PALM2AKAP2: variants seen among roughly 807,000 people sequenced by gnomAD.
The protein encoded by PALM2AKAP2 is PALM2 and AKAP2 fusion.
In PALM2AKAP2, 37 loss-of-function variants were observed where a neutral mutation model predicts 71.5. The observed-to-expected ratio is 0.52, with a 90% CI of 0.40 to 0.68. The LOEUF is 0.68. Among genes scored for constraint, PALM2AKAP2 ranks in the 30% least tolerant of loss-of-function variants. The pLI is 0.00. For missense variants in PALM2AKAP2, 1,224 were observed against 1,191.8 expected (o/e 1.03, Z -0.40); for synonymous variants, 468 against 478.8 (o/e 0.98, Z 0.29).
chr9:109,844,122 G>A (rs567949432), intron 1 of PALM2AKAP2, among the ~76,000 whole-genome samples: 11 of 152,300 alleles, frequency 7.2e-5, no homozygotes, highest in Non-Finnish European at 1.3e-4. Context: ...TTTATTGAGC[G>A]AGTAGTATAC....
At chr9:109,774,757 G>A (rs1005212477) in intron 1 of PALM2AKAP2, among the ~76,000 whole-genome samples, 2 of 152,064 alleles carry the variant, frequency 1.3e-5, no homozygotes, top group East Asian at 3.9e-4. Flanking sequence ...TGATTGGGTT[G>A]AGTGATCAAG....
At chr9:109,735,855 C>A (rs556700073) in intron 1 of PALM2AKAP2, among the ~76,000 whole-genome samples, 1 of 152,322 alleles carries the variant, frequency 6.6e-6, no homozygotes, top group African/African-American at 2.4e-5. Flanking sequence ...CTGCTTAAGA[C>A]TGTAACTTGG....
intron 1 of PALM2AKAP2, among the ~76,000 whole-genome samples, chr9:110,072,059 A>C (rs1834218168): frequency 6.6e-6 from 1 of 152,240 alleles, no homozygotes; most frequent in Admixed American, 6.5e-5. Context: ...TTTCCTTCCC[A>C]AAATTTTTCT....
intron 3 of PALM2AKAP2, among the ~76,000 whole-genome samples, chr9:109,918,064 T>C (rs1830736751): frequency 6.6e-6 from 1 of 152,182 alleles, no homozygotes; most frequent in East Asian, 1.9e-4. Context: ...TTCTTTCCTC[T>C]ATTATTGCTA....
intron 7 of PALM2AKAP2, among the ~76,000 whole-genome samples, chr9:110,018,252 T>G (rs1362093893): frequency 6.6e-6 from 1 of 152,150 alleles, no homozygotes; most frequent in African/African-American, 2.4e-5. Flanking sequence ...CCCAGGAAGA[T>G]TTTTCATCCA....
At chr9:109,663,607 T>G (rs1228840857) in intron 1 of PALM2AKAP2, among the ~76,000 whole-genome samples, 3 of 152,166 alleles carry the variant, frequency 2.0e-5, no homozygotes, top group Non-Finnish European at 2.9e-5. Flanking sequence ...TTACTTCTAA[T>G]TATGTGGTCA....
intron 1 of PALM2AKAP2, among the ~76,000 whole-genome samples, chr9:109,655,363 G>A (rs553266919): frequency 8.6e-5 from 13 of 151,072 alleles, no homozygotes; most frequent in African/African-American, 2.9e-4. Flanking sequence ...ACAAGGAACA[G>A]AGATTTATAT....
In PALM2AKAP2 at chr9:109,932,244, C is replaced by T. The variant is rs59470092; in HGVS notation, c.496+216C>T. Among the ~76,000 whole-genome samples the T allele has an allele frequency of 9.8e-3, 1,495 of 152,310 alleles. 25 individuals carry two copies. The highest frequency in any genetic ancestry group is 0.033 in the African/African-American group (1,385 of 41,558). Reference sequence around the variant, plus strand: ...GGGAAGGAGTTCTGAGGAAATCATACGGCATTTCACCTCCGACTTCGGGGG... The same window carrying T: ...GGGAAGGAGTTCTGAGGAAATCATATGGCATTTCACCTCCGACTTCGGGGG... On this transcript the variant is annotated intron_variant, in intron 6 of 9. Coordinates refer to the PALM2AKAP2 transcript ENST00000302798.
intron 2 of PALM2AKAP2, among the ~76,000 whole-genome samples, chr9:110,148,211 C>T (rs1836225942): frequency 6.6e-6 from 1 of 152,134 alleles, no homozygotes; most frequent in South Asian, 2.1e-4. Context: ...GCCTTAAACT[C>T]TGCTTGCCCT....
intron 6 of PALM2AKAP2, among the ~76,000 whole-genome samples, chr9:109,963,922 G>T (rs549899642): frequency 6.6e-6 from 1 of 152,172 alleles, no homozygotes; most frequent in African/African-American, 2.4e-5. Flanking sequence ...GGCCTCTAGA[G>T]GTGCAGGACA....
intron 1 of PALM2AKAP2, among the ~76,000 whole-genome samples, chr9:110,100,952 AT>A (rs1222580158): frequency 6.6e-6 from 1 of 152,120 alleles, no homozygotes; most frequent in Non-Finnish European, 1.5e-5. Context: ...CTGGAGGAGA[AT>A]GTTCCCAGAG....
intron 1 of PALM2AKAP2, among the ~76,000 whole-genome samples, chr9:110,087,267 C>T (rs997390753): frequency 1.3e-5 from 2 of 152,212 alleles, no homozygotes; most frequent in African/African-American, 2.4e-5. Flanking sequence ...AAGAGCATCA[C>T]AGAACTAATG....
chr9:109,765,825 A>G (rs916321797), intron 1 of PALM2AKAP2, among the ~76,000 whole-genome samples: 1 of 152,136 alleles, frequency 6.6e-6, no homozygotes, highest in Non-Finnish European at 1.5e-5. Flanking sequence ...GCTGTCACAG[A>G]CCACAGTATG....
chr9:109,878,826 C>G (rs1477211063), intron 2 of PALM2AKAP2, among the ~76,000 whole-genome samples: 1 of 152,166 alleles, frequency 6.6e-6, no homozygotes, highest in Admixed American at 6.5e-5. Flanking sequence ...CAACCTCTGC[C>G]CCCCAGGTTC....
chr9:109,999,012 G>C (rs1427916624), intron 6 of PALM2AKAP2, among the ~76,000 whole-genome samples: 1 of 151,846 alleles, frequency 6.6e-6, no homozygotes, highest in East Asian at 1.9e-4. Flanking sequence ...GCCTGGGGTG[G>C]GACAGCAGGG....
chr9:109,816,114 C>T (rs1228604894), intron 1 of PALM2AKAP2, among the ~76,000 whole-genome samples: 1 of 152,136 alleles, frequency 6.6e-6, no homozygotes, highest in Non-Finnish European at 1.5e-5. Flanking sequence ...GATCCCTGGA[C>T]AGTGTTGAGA....
chr9:110,123,673 T>C (rs1053535627), intron 1 of PALM2AKAP2, among the ~76,000 whole-genome samples: 2 of 152,208 alleles, frequency 1.3e-5, no homozygotes, highest in Non-Finnish European at 2.9e-5. Context: ...AACCTACTCC[T>C]TGGAAAATAG....
intron 1 of PALM2AKAP2, among the ~76,000 whole-genome samples, chr9:109,843,180 C>G (rs1341457453): frequency 7.1e-6 from 1 of 141,176 alleles, no homozygotes; most frequent in Non-Finnish European, 1.5e-5. Context: ...TAGCTGGATG[C>G]TTGTAGTCTC....
intron 1 of PALM2AKAP2, among the ~76,000 whole-genome samples, chr9:109,763,176 T>A (rs1829086815): frequency 6.6e-6 from 1 of 151,954 alleles, no homozygotes; most frequent in East Asian, 1.9e-4. Flanking sequence ...CACTGTGGCA[T>A]GAAAAACAGA....
Sources: allele counts gnomAD v4.1 joint callset (sites outside exome capture counted in the v4.1 genomes callset), GRCh38; gene constraint gnomAD v4.1.1; transcripts MANE v1.5; gene names NCBI Gene and HGNC (gene_info 2026-07-23, HGNC 2026-07-21).